The following GRIA4 variants were observed in gnomAD, a reference collection of about 807,000 sequenced individuals.
GRIA4 encodes the protein glutamate receptor 4.
GRIA4 carries 34 observed loss-of-function variants against 104.0 expected under a neutral mutation model. The observed-to-expected ratio is 0.33, with a 90% CI of 0.25 to 0.44. The LOEUF is 0.44. Ranked by LOEUF, GRIA4 falls within the 20% of genes least tolerant of loss-of-function variation. GRIA4 has a pLI of 1.00. For missense variants in GRIA4, 750 were observed against 1,096.5 expected (o/e 0.68, Z 4.46); for synonymous variants, 386 against 381.9 (o/e 1.01, Z -0.13).
At chr11:105,920,730 A>G (rs1356440862) in intron 11 of GRIA4, among the ~76,000 whole-genome samples, 1 of 152,210 alleles carries the variant, frequency 6.6e-6, no homozygotes, top group Non-Finnish European at 1.5e-5. Context: ...GAGACAAAAG[A>G]TAACATAATG....
chr11:105,829,853 T>C (rs544437291), intron 4 of GRIA4, among the ~76,000 whole-genome samples: 1 of 151,732 alleles, frequency 6.6e-6, no homozygotes, highest in East Asian at 2.0e-4. Flanking sequence ...GAGGGCTGAG[T>C]TGGGGAGGCA....
At chr11:105,663,103 T>C (rs1196413162) in intron 3 of GRIA4, among the ~76,000 whole-genome samples, 1 of 151,820 alleles carries the variant, frequency 6.6e-6, no homozygotes, top group Non-Finnish European at 1.5e-5. Context: ...CCTCTGAAAA[T>C]AAAATGTTTT....
chr11:105,705,909 C>G (rs1183111259), intron 3 of GRIA4, among the ~76,000 whole-genome samples: 1 of 152,002 alleles, frequency 6.6e-6, no homozygotes, highest in Non-Finnish European at 1.5e-5. Context: ...AGGAATTTAC[C>G]CTGAATATAC....
intron 5 of GRIA4, among the ~76,000 whole-genome samples, chr11:105,886,917 A>G (rs1455954598): frequency 6.6e-6 from 1 of 151,960 alleles, no homozygotes. Context: ...AGAAAAAAAA[A>G]AAGAATCCAA....
In GRIA4 at chr11:105,894,925, G is replaced by A; in HGVS notation, c.727-3344G>A. On this transcript the variant is annotated intron_variant, in intron 6 of 16. Coordinates refer to ENST00000282499, the MANE Select transcript of GRIA4 (RefSeq NM_000829.4). ...CGCCATTCTCCTGCCTCAGCCTCCC[G>A]AGTAGCTGGGACTACAGGCGCCCGC... is the stretch of plus-strand genomic sequence containing the variant. Among the ~76,000 whole-genome samples the A allele has an allele frequency of 1.5e-5, 2 of 135,820 alleles. 1 individual carries two copies. The highest frequency in any genetic ancestry group is 3.2e-5 in the Non-Finnish European group (2 of 63,354). 89.1% of individuals were successfully genotyped at this position (135,820 alleles called of 152,430 possible).
Position 105,692,717 on chromosome 11 carries a change from G to A in GRIA4, c.248-60264G>A, listed in dbSNP as rs1206372850. 5.3e-5 allele frequency among the ~76,000 whole-genome samples: 8 copies of A among 152,350 alleles called. 1 individual carries two copies. Among genetic ancestry groups the A allele is most frequent in the South Asian group, 4.1e-4 (2 of 4,830 alleles). ...AGACTTTGCATTCACAAGTCAGTGCGTGAATCGCAATCAGGCAAAAATACA... is the reference window on the plus strand; with the variant it reads ...AGACTTTGCATTCACAAGTCAGTGCATGAATCGCAATCAGGCAAAAATACA... On this transcript the variant is annotated intron_variant, in intron 3 of 16. Transcript: ENST00000282499.
At chr11:105,794,473 G>GTATGTA (rs1360490604) in intron 4 of GRIA4, among the ~76,000 whole-genome samples, 642 of 43,854 alleles carry the variant, frequency 0.015, 13 homozygotes, top group Admixed American at 0.03. Flanking sequence ...GTATATGTAT[G>GTATGTA]TATATATATA....
At chr11:105,822,107 T>C (rs755398080) in intron 4 of GRIA4, among the ~76,000 whole-genome samples, 5 of 152,146 alleles carry the variant, frequency 3.3e-5, no homozygotes, top group Non-Finnish European at 5.9e-5. Context: ...TTTGTAGACG[T>C]AGGGTTATTT....
At chr11:105,978,975 G>C (rs1376608523) in intron 16 of GRIA4, among the ~76,000 whole-genome samples, 1 of 152,102 alleles carries the variant, frequency 6.6e-6, no homozygotes, top group East Asian at 1.9e-4. Flanking sequence ...TTTAAATACA[G>C]TTCTTAAAAT....
chr11:105,732,281 T>G (rs1001419303), intron 3 of GRIA4, among the ~76,000 whole-genome samples: 1 of 152,142 alleles, frequency 6.6e-6, no homozygotes, highest in African/African-American at 2.4e-5. Context: ...GTGGCCTTCC[T>G]TTGCCTGGGG....
intron 3 of GRIA4, among the ~76,000 whole-genome samples, chr11:105,656,320 G>C (rs1482262497): frequency 6.6e-6 from 1 of 152,094 alleles, no homozygotes; most frequent in Non-Finnish European, 1.5e-5. Context: ...CTAGCCATAT[G>C]CAGAAAACTG....
chr11:105,916,643 A>G (rs905369929), intron 10 of GRIA4, among the ~76,000 whole-genome samples: 1 of 152,230 alleles, frequency 6.6e-6, no homozygotes, highest in African/African-American at 2.4e-5. Context: ...ATTGTTCATT[A>G]TGTAATGTAG....
At chr11:105,915,802 C>G (rs1366493994) in intron 10 of GRIA4, among the ~76,000 whole-genome samples, 1 of 152,076 alleles carries the variant, frequency 6.6e-6, no homozygotes, top group Non-Finnish European at 1.5e-5. Context: ...TCAAAATTTT[C>G]CAGATATTTC....
chr11:105,869,813 T>A (rs1168284080), intron 5 of GRIA4, among the ~76,000 whole-genome samples: 1 of 152,098 alleles, frequency 6.6e-6, no homozygotes, highest in South Asian at 2.1e-4. Context: ...TTTCTAAACC[T>A]TCCCTCAAGA....
intron 3 of GRIA4, among the ~76,000 whole-genome samples, chr11:105,714,287 C>A (rs1410619246): frequency 6.6e-6 from 1 of 151,446 alleles, no homozygotes; most frequent in African/African-American, 2.4e-5. Context: ...AATTGAAACT[C>A]AAAGTTACTA....
intron 4 of GRIA4, among the ~76,000 whole-genome samples, chr11:105,844,258 T>C (rs913990302): frequency 2.0e-5 from 3 of 152,232 alleles, no homozygotes; most frequent in Admixed American, 1.3e-4. Context: ...AGTGAGTTTG[T>C]GATACAAGTC....
chr11:105,965,711 T>A (rs981384077), intron 14 of GRIA4, among the ~76,000 whole-genome samples: 2 of 152,198 alleles, frequency 1.3e-5, no homozygotes, highest in Admixed American at 1.3e-4. Context: ...ATGAGATCAG[T>A]TATTTGACAA....
In GRIA4 at chr11:105,918,711, G is replaced by A; in HGVS notation, c.1270-1G>A. On this transcript the variant is annotated splice_acceptor_variant, in intron 10 of 16. Coordinates refer to ENST00000282499, the MANE Select transcript of GRIA4 (RefSeq NM_000829.4). LOFTEE classifies it high-confidence loss of function. ...TTACAGTTCTACTTCTCTCATTATA[G>A]GAATCCCCATATGTTATGTACAAGA... 7.2e-7 allele frequency: 1 copy of A among 1,391,934 alleles called. No homozygotes were observed. Among genetic ancestry groups the A allele is most frequent in the Non-Finnish European group, 1.0e-6 (1 of 978,996 alleles). 86.2% of individuals were successfully genotyped at this position (1,391,934 alleles called of 1,614,324 possible).
intron 5 of GRIA4, among the ~76,000 whole-genome samples, chr11:105,866,030 C>T (rs1405880592): frequency 1.3e-5 from 2 of 152,162 alleles, no homozygotes; most frequent in Non-Finnish European, 2.9e-5. Flanking sequence ...CACTCATCTA[C>T]CTCTTTCTTT....
Sources: allele counts gnomAD v4.1 joint callset (sites outside exome capture counted in the v4.1 genomes callset), GRCh38; gene constraint gnomAD v4.1.1; transcripts MANE v1.5; gene names NCBI Gene and HGNC (gene_info 2026-07-23, HGNC 2026-07-21).